PPP2R2D: variants seen among roughly 807,000 people sequenced by gnomAD.
PPP2R2D encodes the protein serine/threonine-protein phosphatase 2A 55 kDa regulatory subunit B delta isoform.
PPP2R2D carries 9 observed loss-of-function variants against 31.1 expected under a neutral mutation model. That is an observed-to-expected ratio of 0.29 (90% CI 0.17 to 0.51). The LOEUF is 0.51. Among genes scored for constraint, PPP2R2D ranks in the 20% least tolerant of loss-of-function variants. The pLI is 0.98. For synonymous variants in PPP2R2D, 179 were observed against 172.6 expected (o/e 1.04, Z -0.29); for missense variants, 391 against 465.6 (o/e 0.84, Z 1.48).
chr10:131,950,227 G>A (rs140028195), intron 8 of PPP2R2D, among the ~76,000 whole-genome samples: 25 of 152,314 alleles, frequency 1.6e-4, no homozygotes, highest in Middle Eastern at 6.8e-3. Context: ...AGGCCAGGGT[G>A]AGGCACAGCA....
Position 131,928,395 on chromosome 10 carries a change from C to T in PPP2R2D, c.101-6063C>T, listed in dbSNP as rs58689005. On this transcript the variant is annotated intron_variant, in intron 2 of 8. Transcript: ENST00000455566. The stretch of plus-strand genomic sequence containing the variant: ...TCCAGAACTAGCCGAAGAGGACCTG[C>T]GGGAAACTTTCACATCATGTCTGTC... 7.7e-3 allele frequency among the ~76,000 whole-genome samples: 1,177 copies of T among 152,298 alleles called. 11 individuals carry two copies. Among genetic ancestry groups the T allele is most frequent in the African/African-American group, 0.027 (1,108 of 41,540 alleles).
downstream of PPP2R2D, among the ~76,000 whole-genome samples, chr10:131,960,181 C>T (rs186505386): frequency 1.3e-5 from 2 of 152,374 alleles, no homozygotes; most frequent in African/African-American, 4.8e-5. Context: ...AGGATCCATT[C>T]ACTTTAGAGA....
Position 131,947,529 on chromosome 10 carries a change from GT to G in PPP2R2D, c.825del (p.Phe275LeufsTer16). ...SSALCDRHSK[F>X]FEEPEDPSSR... is the part of the protein sequence containing the mutation. ...TGAAAACATTTTATTTTGTTTTTCA[GT>G]TTTTGAAGAGCCTGAAGATCCCAGC... On this transcript the variant is annotated frameshift_variant and splice_region_variant, in exon 8 of 9. Transcript: ENST00000455566. LOFTEE classifies it high-confidence loss of function. The surrounding 1 kb of genome is among the most constrained non-coding windows in gnomAD (Gnocchi z 4.3). The G allele has an allele frequency of 6.2e-7, 1 of 1,610,076 alleles. No individual in the cohort carries two copies. Among genetic ancestry groups the G allele is most frequent in the Non-Finnish European group, 8.5e-7 (1 of 1,177,766 alleles).
chr10:131,960,220 G>T (rs79811499), downstream of PPP2R2D, among the ~76,000 whole-genome samples: 2 of 152,146 alleles, frequency 1.3e-5, no homozygotes, highest in Non-Finnish European at 2.9e-5. Flanking sequence ...GGAGGAAGAC[G>T]TGCCCTCAAC....
In PPP2R2D at chr10:131,921,485, C is replaced by T. The variant is rs11813577; in HGVS notation, c.101-12973C>T. 2.4e-3 allele frequency among the ~76,000 whole-genome samples: 358 copies of T among 151,834 alleles called. 1 individual carries two copies. Among genetic ancestry groups the T allele is most frequent in the African/African-American group, 8.1e-3 (333 of 41,358 alleles). On this transcript the variant is annotated intron_variant, in intron 2 of 8. Transcript: ENST00000455566. ...ATGCAAATGAGGGATGGGCCTGGAC[C>T]GGGATGGGGGATGGGAGGAGCCTGC... is the stretch of plus-strand genomic sequence containing the variant.
rs2036895144 is a variant in PPP2R2D, at chr10:131,959,574, C to CGA, written c.*3611_*3612insGA. Reference sequence around the variant, plus strand: ...CAAGAACAGGATGTCCGTCATTACCCTGAATCAATGCTAACACAGTGCCAC... The same window carrying CGA: ...CAAGAACAGGATGTCCGTCATTACCCGATGAATCAATGCTAACACAGTGCCAC... On this transcript the variant is annotated 3_prime_UTR_variant, in exon 9 of 9. Transcript: ENST00000455566. 1 of 157,156 alleles carries CGA rather than the reference C, an allele frequency of 6.4e-6. No individual in the cohort carries two copies. Among genetic ancestry groups the CGA allele is most frequent in the African/African-American group, 2.4e-5 (1 of 41,654 alleles). The allele number at this position is 157,156 out of a possible 1,614,324, so 9.7% of individuals were successfully genotyped here.
At chr10:131,953,811 A>T (rs2036740740) in intron 8 of PPP2R2D, among the ~76,000 whole-genome samples, 1 of 152,070 alleles carries the variant, frequency 6.6e-6, no homozygotes, top group South Asian at 2.1e-4. Flanking sequence ...ACTTGCGGGT[A>T]CATGGATAGT....
At chr10:131,903,083 G>T (rs1483651702) in intron 2 of PPP2R2D, among the ~76,000 whole-genome samples, 1 of 151,904 alleles carries the variant, frequency 6.6e-6, no homozygotes, top group Non-Finnish European at 1.5e-5. Context: ...AAAAATTATT[G>T]ATAAGCTGAA....
Position 131,940,068 on chromosome 10 carries a change from T to C in PPP2R2D, c.236T>C (p.Val79Ala), listed in dbSNP as rs1303969516. The C allele has an allele frequency of 5.2e-6, 4 of 773,484 alleles. No homozygotes were observed. Among genetic ancestry groups the C allele is most frequent in the Non-Finnish European group, 9.6e-6 (4 of 415,764 alleles). 47.9% of individuals were successfully genotyped at this position (773,484 alleles called of 1,614,324 possible). A position where few individuals can be genotyped will look rare whatever the true frequency, so the allele number is the denominator to read the frequency against. ...CCTCATTCTAGGGGAGAATATAATG[T>C]TTACAGCACCTTTCAAAGTCATGAA... The part of the protein sequence containing the change: ...SRPHSRGEYN[V>A]YSTFQSHEPE... Residue 79 changes from valine to alanine, a missense_variant, in exon 4 of 9, where the codon GTT becomes GCT. Val to Ala is a moderately conservative substitution (Grantham distance 64). Coordinates refer to ENST00000455566, the MANE Select transcript of PPP2R2D (RefSeq NM_018461.5).
At chr10:131,908,858 A>T (rs2035640119) in intron 2 of PPP2R2D, among the ~76,000 whole-genome samples, 1 of 152,230 alleles carries the variant, frequency 6.6e-6, no homozygotes, top group Admixed American at 6.5e-5. Flanking sequence ...AGGGTAATGC[A>T]GGGGCCAGCT....
chr10:131,945,618 C>A lies in PPP2R2D; in HGVS notation c.820+159C>A. Reference sequence around the variant, plus strand: ...GGGACCACAGGCAGGTGCCACCATGCCCAGCTAGTTTTTGTATTTTTAGTA... The same window carrying A: ...GGGACCACAGGCAGGTGCCACCATGACCAGCTAGTTTTTGTATTTTTAGTA... On this transcript the variant is annotated intron_variant, in intron 7 of 8. Coordinates refer to ENST00000455566, the MANE Select transcript of PPP2R2D (RefSeq NM_018461.5). This position sits in a 1 kb window ranked among gnomAD's most constrained non-coding sequence, Gnocchi z 4.8. 1.3e-6 allele frequency: 1 copy of A among 785,230 alleles called. No homozygotes were observed. Among genetic ancestry groups the A allele is most frequent in the African/African-American group, 1.7e-5 (1 of 57,248 alleles). The allele number at this position is 785,230 out of a possible 1,614,324, so 48.6% of individuals were successfully genotyped here. A position where few individuals can be genotyped will look rare whatever the true frequency, so the allele number is the denominator to read the frequency against.
chr10:131,934,681 C>A, intron 3 of PPP2R2D, 126 bp downstream of exon 3: 1 of 675,600 alleles, frequency 1.5e-6, no homozygotes. Context: ...ATCACATTAG[C>A]CATACAGAAT....
chr10:131,966,446 GCA>G, the PPP2R2D span: 2 of 152,156 alleles, frequency 1.3e-5, no homozygotes, highest in African/African-American at 2.4e-5. Flanking sequence ...ATTCAGATAC[GCA>G]CACACATCAA....
downstream of PPP2R2D, among the ~76,000 whole-genome samples, chr10:131,964,400 A>G (rs7075018): frequency 0.69 from 105,074 of 151,254 alleles, 37,137 homozygotes; most frequent in African/African-American, 0.84. Context: ...CCGTGCACAC[A>G]GCTGTTGGAG....
chr10:131,904,364 G>T (rs2035549372), intron 2 of PPP2R2D, among the ~76,000 whole-genome samples: 1 of 152,068 alleles, frequency 6.6e-6, no homozygotes. Flanking sequence ...ACAAAAATTA[G>T]CCGGGTGTGA....
chr10:131,943,292 G>A (rs1443367851), intron 5 of PPP2R2D, among the ~76,000 whole-genome samples: 3 of 152,192 alleles, frequency 2.0e-5, no homozygotes, highest in Admixed American at 1.3e-4. Context: ...TCAACACAGA[G>A]ATGGGGGCGG....
chr10:131,930,653 C>T (rs1421264985), intron 2 of PPP2R2D, among the ~76,000 whole-genome samples: 2 of 152,360 alleles, frequency 1.3e-5, no homozygotes, highest in Non-Finnish European at 2.9e-5. Context: ...TGACTCCCTT[C>T]CTCTCCGCAT....
chr10:131,902,432 CAT>C (rs2035515618), intron 2 of PPP2R2D, among the ~76,000 whole-genome samples: 1 of 152,184 alleles, frequency 6.6e-6, no homozygotes, highest in Non-Finnish European at 1.5e-5. Context: ...TGGTTTGGCA[CAT>C]GACCCCTGAG....
the PPP2R2D span, among the ~76,000 whole-genome samples, chr10:131,965,289 C>A: frequency 6.6e-6 from 1 of 152,162 alleles, no homozygotes; most frequent in Non-Finnish European, 1.5e-5. Context: ...AGAGCATGCA[C>A]CCGCAGAGAC....
Sources: gnomAD v4.1 joint callset for allele counts (sites outside exome capture counted in the v4.1 genomes callset) on GRCh38, gnomAD v4.1.1 for gene constraint, Gnocchi (gnomAD v3.1) non-coding constraint, MANE v1.5 for transcripts, NCBI Gene and HGNC (gene_info 2026-07-23, HGNC 2026-07-21) for gene names.